The following ITGB3 variants were observed in gnomAD, a reference collection of about 807,000 sequenced individuals.
ITGB3 encodes the protein integrin subunit beta 3.
In ITGB3, 48 loss-of-function variants were observed where a neutral mutation model predicts 85.8. The ratio of observed to expected loss-of-function variants is 0.56; its 90% confidence interval spans 0.44 to 0.71. ITGB3 has a LOEUF of 0.71. Among genes scored for constraint, ITGB3 ranks in the 30% least tolerant of loss-of-function variants. ITGB3 has a pLI of 0.00. For missense variants in ITGB3, 861 were observed against 1,019.1 expected (o/e 0.84, Z 2.11); for synonymous variants, 363 against 395.6 (o/e 0.92, Z 0.98).
rs1361624462 is a variant in ITGB3, at chr17:47,267,767, A to G, written c.80-6652A>G. ...TCTTGCAAAACTTTCTATTGTGGCTACAAGTCAAGGACTCATAGGGAAATG... is the reference window on the plus strand; with the variant it reads ...TCTTGCAAAACTTTCTATTGTGGCTGCAAGTCAAGGACTCATAGGGAAATG... On this transcript the variant is annotated intron_variant, in intron 1 of 14. Transcript: ENST00000559488. 3.3e-5 allele frequency among the ~76,000 whole-genome samples: 5 copies of G among 152,200 alleles called. No homozygotes were observed. The South Asian group carries it at 8.3e-4, about 25-fold the overall frequency.
intron 10 of ITGB3, 90 bp downstream of exon 10, chr17:47,292,658 G>A (rs915856829): frequency 6.8e-5 from 91 of 1,331,954 alleles, no homozygotes; most frequent in Non-Finnish European, 9.3e-5. Flanking sequence ...GCCTGAGATG[G>A]GTCTTTGCAG....
At chr17:47,298,066 G>A (rs976816525) in intron 10 of ITGB3, among the ~76,000 whole-genome samples, 14 of 152,060 alleles carry the variant, frequency 9.2e-5, no homozygotes, top group African/African-American at 3.4e-4. Context: ...AAGGGAACCA[G>A]GTCAAGAAAG....
In ITGB3 at chr17:47,310,453, C is replaced by T; in HGVS notation, c.*249C>T. ...GTGATGTGTCCTGATAAGCTGAGCT[C>T]CTTAGCCTTTGTCCCAGAATGCCTC... is the stretch of plus-strand genomic sequence containing the variant. On this transcript the variant is annotated 3_prime_UTR_variant, in exon 15 of 15. Transcript: ENST00000559488. 1 of 577,084 alleles carries T rather than the reference C, an allele frequency of 1.7e-6. No individual in the cohort carries two copies. Among genetic ancestry groups the T allele is most frequent in the South Asian group, 1.8e-5 (1 of 54,614 alleles). 35.7% of individuals were successfully genotyped at this position (577,084 alleles called of 1,614,324 possible).
chr17:47,258,525 A>T (rs757123313), intron 1 of ITGB3, among the ~76,000 whole-genome samples: 1 of 152,164 alleles, frequency 6.6e-6, no homozygotes, highest in Non-Finnish European at 1.5e-5. Flanking sequence ...ATTTTGACAA[A>T]TGCATATAGT....
chr17:47,312,551 AAGAC>A lies in ITGB3; in HGVS notation c.*2351_*2354del, dbSNP rs1246997611. 6.6e-6 allele frequency among the ~76,000 whole-genome samples: 1 copy of A among 152,218 alleles called. No homozygotes were observed. ...CCTGTGATTATAATCTTCAGTTACT[AAGAC>A]AGAGTCCATGAGAGTGTTAATGGGA... On this transcript the variant is annotated 3_prime_UTR_variant, in exon 15 of 15. Transcript: ENST00000559488.
intron 1 of ITGB3, among the ~76,000 whole-genome samples, chr17:47,268,140 A>G (rs1170300083): frequency 6.6e-6 from 1 of 152,174 alleles, no homozygotes; most frequent in Non-Finnish European, 1.5e-5. Context: ...AACTGCCCCC[A>G]TGATTCAATT....
At chr17:47,267,082 A>C (rs2065028340) in intron 1 of ITGB3, among the ~76,000 whole-genome samples, 1 of 152,226 alleles carries the variant, frequency 6.6e-6, no homozygotes, top group Non-Finnish European at 1.5e-5. Flanking sequence ...CAGGATAAAA[A>C]CAACAATAAA....
chr17:47,265,159 A>T (rs1409731028), intron 1 of ITGB3, among the ~76,000 whole-genome samples: 1 of 152,238 alleles, frequency 6.6e-6, no homozygotes, highest in Non-Finnish European at 1.5e-5. Context: ...AACCTTATCC[A>T]TACGTGGATT....
chr17:47,306,471 CCTCA>C (rs1226380820), intron 13 of ITGB3, among the ~76,000 whole-genome samples: 1 of 152,234 alleles, frequency 6.6e-6, no homozygotes, highest in South Asian at 2.1e-4. Context: ...AGAGGCAGAG[CCTCA>C]CTATGTTGCC....
At position 47,282,967 on chromosome 17, in the gene ITGB3, A is replaced by C. The variant is rs370127791; in HGVS notation, c.166-387A>C. On this transcript the variant is annotated intron_variant, in intron 2 of 14. Transcript: ENST00000559488. ...GACCCACAAATGTGTGGTATTCCAC[A>C]GTTAAAAAATGCTGGTCTACCAGGC... is the stretch of plus-strand genomic sequence containing the variant. Among the ~76,000 whole-genome samples the C allele has an allele frequency of 2.6e-5, 4 of 152,234 alleles. No homozygotes were observed. In the East Asian group the frequency reaches 5.8e-4, roughly 22 times the overall value.
chr17:47,275,182 A>G (rs1339238520), intron 2 of ITGB3, among the ~76,000 whole-genome samples: 1 of 151,916 alleles, frequency 6.6e-6, no homozygotes, highest in African/African-American at 2.4e-5. Context: ...GCGGCTTTAC[A>G]TTTTTCTTTC....
At chr17:47,264,218 G>A (rs2065018231) in intron 1 of ITGB3, among the ~76,000 whole-genome samples, 1 of 152,192 alleles carries the variant, frequency 6.6e-6, no homozygotes, top group Admixed American at 6.5e-5. Context: ...AAAGTGGGTT[G>A]TGACCTCTAG....
chr17:47,257,823 T>G (rs1356219172), intron 1 of ITGB3, among the ~76,000 whole-genome samples: 1 of 152,128 alleles, frequency 6.6e-6, no homozygotes, highest in African/African-American at 2.4e-5. Flanking sequence ...CATTCTCCTT[T>G]CTCCCCCTTG....
intron 2 of ITGB3, among the ~76,000 whole-genome samples, chr17:47,275,407 G>A (rs1008198608): frequency 3.3e-5 from 5 of 151,898 alleles, no homozygotes; most frequent in African/African-American, 1.2e-4. Context: ...GGTGGGGGTG[G>A]AAGATGAATG....
At chr17:47,259,732 T>C (rs2065002592) in intron 1 of ITGB3, among the ~76,000 whole-genome samples, 1 of 152,106 alleles carries the variant, frequency 6.6e-6, no homozygotes, top group Non-Finnish European at 1.5e-5. Flanking sequence ...AAACCCTGTC[T>C]CTACTAAAAA....
At chr17:47,283,331 C>T (rs1199817822) in intron 2 of ITGB3, 23 bp from the exon 3 acceptor site, 5 of 1,613,460 alleles carry the variant, frequency 3.1e-6, no homozygotes, top group Non-Finnish European at 4.2e-6. Context: ...TGCTGGACTT[C>T]TCTTTGGGCT....
intron 2 of ITGB3, among the ~76,000 whole-genome samples, chr17:47,277,277 T>C (rs1420530102): frequency 6.6e-6 from 1 of 152,180 alleles, no homozygotes; most frequent in Non-Finnish European, 1.5e-5. Context: ...TTGCCTGAGG[T>C]GCTTGTTAAA....
At chr17:47,255,957 G>C (rs2064987859) in intron 1 of ITGB3, among the ~76,000 whole-genome samples, 1 of 143,830 alleles carries the variant, frequency 7.0e-6, no homozygotes, top group African/African-American at 2.6e-5. Context: ...ATCCACCAGG[G>C]CAACTCAGTA....
chr17:47,255,361 CA>C (rs1255956533), intron 1 of ITGB3, among the ~76,000 whole-genome samples: 1 of 152,142 alleles, frequency 6.6e-6, no homozygotes, highest in African/African-American at 2.4e-5. Flanking sequence ...TGATTCCCGT[CA>C]AGACTCTTCT....
Sources: allele counts gnomAD v4.1 joint callset (sites outside exome capture counted in the v4.1 genomes callset), GRCh38; gene constraint gnomAD v4.1.1; transcripts MANE v1.5; gene names NCBI Gene and HGNC (gene_info 2026-07-23, HGNC 2026-07-21).